CDIN1: variants seen among roughly 807,000 people sequenced by gnomAD.
The protein encoded by CDIN1 is CDAN1 interacting nuclease 1.
Under a neutral mutation model 45.3 loss-of-function variants are expected in CDIN1, and 33 were observed. The observed-to-expected ratio is 0.73, with a 90% confidence interval of 0.55 to 0.97. The LOEUF (loss-of-function observed/expected upper bound fraction) is 0.97. Among genes scored for constraint, CDIN1 ranks in the 50% least tolerant of loss-of-function variants. The pLI, the probability that CDIN1 is intolerant of heterozygous loss-of-function variation, is 0.00. For synonymous variants in CDIN1, 118 were observed against 124.4 expected, an observed-to-expected ratio of 0.95 and a Z score of 0.34; for missense variants, 303 against 339.4, an observed-to-expected ratio of 0.89 and a Z score of 0.84.
intron 1 of CDIN1, among the ~76,000 whole-genome samples, chr15:36,608,376 A>G (rs74389615): frequency 0.016 from 2,419 of 152,250 alleles, 51 homozygotes; most frequent in African/African-American, 0.055. Flanking sequence ...GTGGGTATGA[A>G]GTGGTATCTC....
intron 5 of CDIN1, among the ~76,000 whole-genome samples, chr15:36,677,028 T>G (rs2140580898): frequency 6.6e-6 from 1 of 152,268 alleles, no homozygotes; most frequent in African/African-American, 2.4e-5. Flanking sequence ...GTTTTCACGG[T>G]TTACCTCAAG....
At chr15:36,691,092 T>C (rs2042233034) in intron 5 of CDIN1, 1 of 503,136 alleles carries the variant, frequency 2.0e-6, no homozygotes, top group Non-Finnish European at 3.9e-6. Flanking sequence ...TATTTAAGAT[T>C]CTCTCAATTC....
chr15:36,635,109 G>A (rs2039842329), intron 1 of CDIN1, among the ~76,000 whole-genome samples: 1 of 152,074 alleles, frequency 6.6e-6, no homozygotes, highest in Non-Finnish European at 1.5e-5. Context: ...TTGGGGGCAG[G>A]GGGCCTCTAA....
intron 10 of CDIN1, among the ~76,000 whole-genome samples, chr15:36,777,548 A>G (rs1192433207): frequency 6.6e-6 from 1 of 152,198 alleles, no homozygotes; most frequent in Non-Finnish European, 1.5e-5. Context: ...AACATTCAGA[A>G]GACATTTATT....
chr15:36,788,645 C>G (rs1304057005), intron 10 of CDIN1, among the ~76,000 whole-genome samples: 1 of 152,038 alleles, frequency 6.6e-6, no homozygotes, highest in Non-Finnish European at 1.5e-5. Flanking sequence ...AGTTTCAAAA[C>G]AAAATTATTA....
intron 8 of CDIN1, 78 bp downstream of exon 8, chr15:36,697,468 AAAGG>A: frequency 8.5e-7 from 1 of 1,170,536 alleles, no homozygotes; most frequent in Non-Finnish European, 1.2e-6. Flanking sequence ...ATCTTCCACT[AAAGG>A]AAGAGTGAAT....
At chr15:36,685,365 T>G (rs1360656040) in intron 5 of CDIN1, among the ~76,000 whole-genome samples, 1 of 151,742 alleles carries the variant, frequency 6.6e-6, no homozygotes, top group Non-Finnish European at 1.5e-5. Context: ...AGCAGGTTGT[T>G]CAGTTTCCAT....
intron 10 of CDIN1, among the ~76,000 whole-genome samples, chr15:36,767,192 TATTTTTAATACTC>T (rs1284264888): frequency 4.6e-5 from 7 of 152,194 alleles, no homozygotes; most frequent in African/African-American, 1.7e-4. Flanking sequence ...AATGGATCTA[TATTTTTAATACTC>T]AGAGTTGACT....
chr15:36,806,846 T>C (rs2055244047), intron 10 of CDIN1, among the ~76,000 whole-genome samples: 1 of 152,192 alleles, frequency 6.6e-6, no homozygotes, highest in African/African-American at 2.4e-5. Flanking sequence ...GAGCTTCGTC[T>C]TGTATGCATT....
intron 7 of CDIN1, among the ~76,000 whole-genome samples, chr15:36,692,584 TAAAG>T (rs2042294977): frequency 1.3e-5 from 2 of 152,196 alleles, no homozygotes. Flanking sequence ...AGCCTGGAGT[TAAAG>T]GAGGTTGTGA....
At chr15:36,669,089 A>G (rs1033038581) in intron 5 of CDIN1, 3 of 152,152 alleles carry the variant, frequency 2.0e-5, no homozygotes, top group African/African-American at 7.2e-5. Context: ...AATAATGTTT[A>G]CGATGCTCTG....
At chr15:36,646,744 AG>A (rs1441637651) in intron 3 of CDIN1, among the ~76,000 whole-genome samples, 3 of 152,196 alleles carry the variant, frequency 2.0e-5, no homozygotes, top group African/African-American at 7.2e-5. Flanking sequence ...TGGATTTTAA[AG>A]GCTTGTAATG....
intron 10 of CDIN1, among the ~76,000 whole-genome samples, chr15:36,768,594 C>T (rs1281195897): frequency 6.6e-6 from 1 of 152,182 alleles, no homozygotes; most frequent in African/African-American, 2.4e-5. Context: ...GTGTATCAGG[C>T]TGCCTTTACG....
chr15:36,774,154 G>A lies in CDIN1; in HGVS notation c.717-34170G>A, dbSNP rs561136152. Among the ~76,000 whole-genome samples, 6 of 107,702 alleles carry A rather than the reference G, an allele frequency of 5.6e-5. No homozygotes were observed. In the East Asian group the frequency reaches 1.9e-3, roughly 34 times the overall value. The allele number at this position is 107,702 out of a possible 152,430, so 70.7% of individuals were successfully genotyped here. On this transcript the variant is annotated intron_variant, in intron 10 of 10. Transcript: ENST00000566621. Reference sequence around the variant, plus strand: ...CAGGGGTGTGTGTGTGTGTGTGTGTGTGTGTGTGTGCGCGCGCGCGCATGC... The same window carrying A: ...CAGGGGTGTGTGTGTGTGTGTGTGTATGTGTGTGTGCGCGCGCGCGCATGC...
chr15:36,687,462 A>G (rs918287729), intron 5 of CDIN1, among the ~76,000 whole-genome samples: 1 of 152,210 alleles, frequency 6.6e-6, no homozygotes, highest in African/African-American at 2.4e-5. Flanking sequence ...GATCCTATCC[A>G]AAAGAAAAGT....
intron 1 of CDIN1, chr15:36,626,811 T>G (rs148541855): frequency 3.8e-6 from 1 of 263,408 alleles, no homozygotes; most frequent in Non-Finnish European, 7.5e-6. Flanking sequence ...ATAGTGGAAG[T>G]GGGGGTTGGG....
At chr15:36,728,757 T>C (rs779539882) in intron 10 of CDIN1, among the ~76,000 whole-genome samples, 2 of 152,152 alleles carry the variant, frequency 1.3e-5, no homozygotes, top group Non-Finnish European at 2.9e-5. Context: ...CACTGCAACC[T>C]GCACCTCCCA....
At chr15:36,745,443 C>A (rs946849730) in intron 10 of CDIN1, among the ~76,000 whole-genome samples, 9 of 152,096 alleles carry the variant, frequency 5.9e-5, no homozygotes, top group African/African-American at 2.2e-4. Flanking sequence ...TTTTAAACAA[C>A]TATTACTTTC....
intron 1 of CDIN1, chr15:36,617,066 G>A (rs4923720): frequency 0.24 from 185,163 of 773,040 alleles, 24,777 homozygotes; most frequent in Admixed American, 0.43. Flanking sequence ...CTGTGGGAAC[G>A]ATTGGGCCGA....
Sources: gnomAD v4.1 joint callset for allele counts (sites outside exome capture counted in the v4.1 genomes callset) on GRCh38, gnomAD v4.1.1 for gene constraint, MANE v1.5 for transcripts, NCBI Gene and HGNC (gene_info 2026-07-23, HGNC 2026-07-21) for gene names.